The following PWWP3B variants were observed in gnomAD, a reference collection of about 807,000 sequenced individuals.
PWWP3B encodes PWWP domain containing 3B, also known as PWWP domain-containing DNA repair factor 3B.
A neutral mutation model predicts 15.7 loss-of-function variants in PWWP3B; 5 were observed. That is an observed-to-expected ratio of 0.32 (90% CI 0.17 to 0.67). The LOEUF (loss-of-function observed/expected upper bound fraction) is 0.67, where lower values mean the gene tolerates loss of function less well. PWWP3B is among the 30% of genes least tolerant of loss of function. The pLI is 0.74. For missense variants in PWWP3B, 519 were observed against 493.1 expected (o/e 1.05, Z -0.50); for synonymous variants, 203 against 179.8 (o/e 1.13, Z -1.03).
chrX:106,191,585 A>G (rs1417605323), intron 2 of PWWP3B, among the ~76,000 whole-genome samples: 4 of 111,091 alleles, frequency 3.6e-5, no homozygotes, highest in South Asian at 3.8e-4. Context: ...ATGTTGAATA[A>G]GAGTGGTGAG....
chrX:106,201,055 AAAAT>A (rs1322464729), intron 2 of PWWP3B, among the ~76,000 whole-genome samples: 3 of 109,360 alleles, frequency 2.7e-5, no homozygotes, highest in African/African-American at 1.0e-4. Flanking sequence ...CTCAAAAAAA[AAAAT>A]AAAATAAAAT....
At chrX:106,193,396 A>G (rs775247348) in intron 2 of PWWP3B, among the ~76,000 whole-genome samples, 3 of 111,191 alleles carry the variant, frequency 2.7e-5, no homozygotes, top group South Asian at 3.8e-4. Context: ...TGCTTTGTAG[A>G]TCTTCCTCCA....
chrX:106,205,233 A>G lies in PWWP3B; in HGVS notation c.-200A>G, dbSNP rs147145090. 1.8e-3 allele frequency: 632 copies of G among 358,393 alleles called. 3 individuals carry two copies. Among genetic ancestry groups the G allele is most frequent in the African/African-American group, 0.014 (553 of 38,693 alleles). 29.5% of individuals were successfully genotyped at this position (358,393 alleles called of 1,213,427 possible). ...CCCTGTTTCAGTATCTTCCGGTATCATCCTATTCAAACAACGTGTTCAAGC... is the reference window on the plus strand; with the variant it reads ...CCCTGTTTCAGTATCTTCCGGTATCGTCCTATTCAAACAACGTGTTCAAGC... On this transcript the variant is annotated 5_prime_UTR_variant, in exon 4 of 4. Transcript: ENST00000357175.
intron 2 of PWWP3B, among the ~76,000 whole-genome samples, chrX:106,172,962 C>G (rs1921699587): frequency 8.9e-6 from 1 of 112,084 alleles, no homozygotes; most frequent in Non-Finnish European, 1.9e-5. Flanking sequence ...TTATTATAAT[C>G]TTACAGGAAC....
intron 1 of PWWP3B, 102 bp downstream of exon 1, chrX:106,168,527 C>A (rs1437320567): frequency 8.9e-6 from 1 of 112,066 alleles, no homozygotes; most frequent in African/African-American, 3.2e-5. Context: ...GTTTTGTGTT[C>A]CTTCAGATTA....
intron 1 of PWWP3B, among the ~76,000 whole-genome samples, chrX:106,170,398 GA>G (rs1921552866): frequency 9.0e-6 from 1 of 111,636 alleles, no homozygotes; most frequent in Non-Finnish European, 1.9e-5. Context: ...ATATTATGAT[GA>G]AAAATATTAA....
intron 2 of PWWP3B, among the ~76,000 whole-genome samples, chrX:106,192,152 C>T (rs1361792955): frequency 9.0e-6 from 1 of 111,604 alleles, no homozygotes; most frequent in Non-Finnish European, 1.9e-5. Flanking sequence ...TAGAATTTGG[C>T]TGTGAATCCA....
chrX:106,207,869 T>A lies in PWWP3B; in HGVS notation c.*346T>A, dbSNP rs1924134640. ...AATATATTGTGCACAATTATTTTAATGTTAAAATTGCACTGGTGTTAGATA... is the reference window on the plus strand; with the variant it reads ...AATATATTGTGCACAATTATTTTAAAGTTAAAATTGCACTGGTGTTAGATA... On this transcript the variant is annotated 3_prime_UTR_variant, in exon 4 of 4. Transcript: ENST00000357175. 2 of 144,906 alleles carry A rather than the reference T, an allele frequency of 1.4e-5. No homozygotes were observed. The highest frequency in any genetic ancestry group is 3.3e-4 in the South Asian group (1 of 3,013). 11.9% of individuals were successfully genotyped at this position (144,906 alleles called of 1,213,427 possible).
chrX:106,192,314 C>T (rs1243569970), intron 2 of PWWP3B, among the ~76,000 whole-genome samples: 6 of 111,760 alleles, frequency 5.4e-5, no homozygotes, highest in Non-Finnish European at 9.4e-5. Flanking sequence ...TCTAGATTTT[C>T]TAGTTTATTT....
intron 2 of PWWP3B, among the ~76,000 whole-genome samples, chrX:106,199,643 G>A (rs1923584864): frequency 9.0e-6 from 1 of 111,222 alleles, no homozygotes; most frequent in East Asian, 2.8e-4. Context: ...GCCCAAGCTG[G>A]TTATTTATCC....
Position 106,205,849 on chromosome X carries a change from T to C in PWWP3B, c.417T>C (p.Gly139=). ...PPHKKYRKDE[G]DLPGCLEERE... ...ATAAAAAATACCGGAAGGATGAAGG[T>C]GACTTACCAGGGTGTCTTGAGGAAA... Residue 139 remains glycine (G), a synonymous_variant, in exon 4 of 4, where the codon GGT becomes GGC. Transcript: ENST00000357175. The C allele has an allele frequency of 8.3e-7, 1 of 1,211,441 alleles. No homozygotes were observed. Among genetic ancestry groups the C allele is most frequent in the South Asian group, 1.8e-5 (1 of 56,912 alleles).
chrX:106,197,546 AC>A (rs376390218), intron 2 of PWWP3B, among the ~76,000 whole-genome samples: 3 of 111,310 alleles, frequency 2.7e-5, no homozygotes, highest in African/African-American at 9.8e-5. Context: ...AGTGACATGG[AC>A]TCTTTTAGGT....
chrX:106,189,612 CTTTT>C (rs1277003635), intron 2 of PWWP3B, among the ~76,000 whole-genome samples: 1 of 77,858 alleles, frequency 1.3e-5, no homozygotes, highest in Non-Finnish European at 2.5e-5. Flanking sequence ...GCCACATTTT[CTTTT>C]TTTTTTTTTT....
At chrX:106,179,750 G>A (rs1922088597) in intron 2 of PWWP3B, among the ~76,000 whole-genome samples, 1 of 112,046 alleles carries the variant, frequency 8.9e-6, no homozygotes, top group South Asian at 3.7e-4. Context: ...ATTTCACAAA[G>A]CATTTCATGG....
rs1371155467 is a variant in PWWP3B at position 106,208,920 on chromosome X, G to T, written c.*1397G>T. The stretch of plus-strand genomic sequence containing the variant: ...GTTTATGTAAAGTTTGCAAAAGTTT[G>T]GTGTTTTGATTTATAATAAAACTGT... On this transcript the variant is annotated 3_prime_UTR_variant, in exon 4 of 4. Coordinates refer to ENST00000357175, the MANE Select transcript of PWWP3B (RefSeq NM_001171020.2). 1.6e-5 allele frequency: 2 copies of T among 121,846 alleles called. No individual in the cohort carries two copies. Among genetic ancestry groups the T allele is most frequent in the African/African-American group, 6.6e-5 (2 of 30,369 alleles). 10.0% of individuals were successfully genotyped at this position (121,846 alleles called of 1,213,427 possible).
chrX:106,173,311 C>A (rs1921717103), intron 2 of PWWP3B, among the ~76,000 whole-genome samples: 1 of 111,807 alleles, frequency 8.9e-6, no homozygotes, highest in Non-Finnish European at 1.9e-5. Context: ...AAGCTCCTCC[C>A]ACACAATTCC....
intron 2 of PWWP3B, among the ~76,000 whole-genome samples, chrX:106,192,859 AG>A (rs1233047179): frequency 9.1e-6 from 1 of 109,759 alleles, no homozygotes; most frequent in Non-Finnish European, 1.9e-5. Flanking sequence ...GTTTTGAGTG[AG>A]TTTCTTAATC....
intron 1 of PWWP3B, among the ~76,000 whole-genome samples, 164 bp downstream of exon 1, chrX:106,168,589 A>G (rs1921455319): frequency 8.9e-6 from 1 of 112,394 alleles, no homozygotes; most frequent in South Asian, 3.7e-4. Context: ...ACCTGTGGAA[A>G]AATATTCTTA....
Position 106,207,697 on chromosome X carries a change from C to A in PWWP3B, c.*174C>A, listed in dbSNP as rs1757443314. Reference sequence around the variant, plus strand: ...TATAATTACATCTTTATTTCCTTTTCTTGCGCTTCTTCAAAGTTAATTTTG... The same window carrying A: ...TATAATTACATCTTTATTTCCTTTTATTGCGCTTCTTCAAAGTTAATTTTG... On this transcript the variant is annotated 3_prime_UTR_variant, in exon 4 of 4. Coordinates refer to ENST00000357175, the MANE Select transcript of PWWP3B (RefSeq NM_001171020.2). The A allele has an allele frequency of 7.3e-6, 3 of 412,339 alleles. No homozygotes were observed. Among genetic ancestry groups the A allele is most frequent in the Non-Finnish European group, 1.2e-5 (3 of 253,790 alleles). The allele number at this position is 412,339 out of a possible 1,213,427, so 34.0% of individuals were successfully genotyped here.
Sources: allele counts gnomAD v4.1 joint callset (sites outside exome capture counted in the v4.1 genomes callset), GRCh38; gene constraint gnomAD v4.1.1; transcripts MANE v1.5; gene names NCBI Gene and HGNC (gene_info 2026-07-23, HGNC 2026-07-21).